RAP1GDS1: variants seen among roughly 807,000 people sequenced by gnomAD.
RAP1GDS1 encodes RAP1, GTP-GDP dissociation stimulator 1.
RAP1GDS1 carries 35 observed loss-of-function variants against 71.1 expected under a neutral mutation model. The observed-to-expected ratio is 0.49, with a 90% CI of 0.38 to 0.65. RAP1GDS1 has a LOEUF of 0.65. RAP1GDS1 is among the 30% of genes least tolerant of loss of function. RAP1GDS1 has a pLI of 0.00. For missense variants in RAP1GDS1, 663 were observed against 706.1 expected (o/e 0.94, Z 0.69); for synonymous variants, 229 against 243.1 (o/e 0.94, Z 0.54).
At chr4:98,324,129 GACAA>G (rs1240221769) in intron 2 of RAP1GDS1, among the ~76,000 whole-genome samples, 1 of 148,240 alleles carries the variant, frequency 6.7e-6, no homozygotes, top group African/African-American at 2.5e-5. Context: ...ACCAACAACA[GACAA>G]ACAGAGAGCC....
intron 2 of RAP1GDS1, among the ~76,000 whole-genome samples, chr4:98,314,842 G>A (rs1053967775): frequency 8.5e-5 from 13 of 152,076 alleles, no homozygotes; most frequent in Admixed American, 3.3e-4. Flanking sequence ...CATTTTATCC[G>A]GGTCCTGATG....
intron 3 of RAP1GDS1, among the ~76,000 whole-genome samples, chr4:98,350,179 T>C (rs970098368): frequency 6.6e-6 from 1 of 152,158 alleles, no homozygotes; most frequent in Non-Finnish European, 1.5e-5. Flanking sequence ...AGGCAAAACA[T>C]AAAAGAAACA....
intron 7 of RAP1GDS1, among the ~76,000 whole-genome samples, chr4:98,410,208 G>A (rs188566290): frequency 5.9e-5 from 9 of 152,258 alleles, no homozygotes; most frequent in African/African-American, 1.9e-4. Context: ...ATAACTGACA[G>A]AGGGCTTGTG....
chr4:98,441,895 A>T, intron 14 of RAP1GDS1, 95 bp from the exon 15 acceptor site: 1 of 1,318,796 alleles, frequency 7.6e-7, no homozygotes, highest in East Asian at 2.5e-5. Flanking sequence ...TAGTTTTATA[A>T]GCTTAGTCTT....
chr4:98,400,083 G>A (rs534801121), intron 6 of RAP1GDS1, among the ~76,000 whole-genome samples: 1 of 152,130 alleles, frequency 6.6e-6, no homozygotes, highest in Non-Finnish European at 1.5e-5. Flanking sequence ...AGCACAGGAT[G>A]TTGAGTCAGG....
intron 3 of RAP1GDS1, among the ~76,000 whole-genome samples, chr4:98,350,372 A>T (rs1252634516): frequency 6.6e-6 from 1 of 152,186 alleles, no homozygotes. Flanking sequence ...AGGATAATGA[A>T]CATCTGTGTT....
intron 2 of RAP1GDS1, among the ~76,000 whole-genome samples, chr4:98,303,642 T>TATAAC (rs1728890744): frequency 5.4e-5 from 8 of 147,270 alleles, no homozygotes; most frequent in Admixed American, 4.8e-4. Context: ...TATAATATAA[T>TATAAC]ATAATATAAT....
At chr4:98,420,905 A>T (rs1560994812) in intron 11 of RAP1GDS1, among the ~76,000 whole-genome samples, 1 of 152,204 alleles carries the variant, frequency 6.6e-6, no homozygotes, top group Non-Finnish European at 1.5e-5. Flanking sequence ...AACCACTCCT[A>T]GGAATGAATT....
chr4:98,392,227 A>G (rs1215574523), intron 6 of RAP1GDS1, 147 bp downstream of exon 6: 2 of 775,134 alleles, frequency 2.6e-6, no homozygotes, highest in Non-Finnish European at 3.8e-6. Context: ...TCAATATTTT[A>G]AAAAGTAAAT....
chr4:98,391,931 GTTTTT>G lies in RAP1GDS1; in HGVS notation c.509-15_509-11del. 1 of 1,341,024 alleles carries G rather than the reference GTTTTT, an allele frequency of 7.5e-7. No homozygotes were observed. The highest frequency in any genetic ancestry group is 1.0e-6 in the Non-Finnish European group (1 of 995,408). 83.1% of individuals were successfully genotyped at this position (1,341,024 alleles called of 1,614,324 possible). ...TGTCAACACTTTCTTTTCTGTTGTTGTTTTTTTTTTGTTTTTACAGATTCGCTTCA... is the reference window on the plus strand; with the variant it reads ...TGTCAACACTTTCTTTTCTGTTGTTGTTTTTGTTTTTACAGATTCGCTTCA... On this transcript the variant is annotated splice_polypyrimidine_tract_variant and intron_variant, in intron 5 of 14. Transcript: ENST00000408927.
chr4:98,349,382 G>A (rs1323874452), intron 3 of RAP1GDS1, among the ~76,000 whole-genome samples: 1 of 152,258 alleles, frequency 6.6e-6, no homozygotes, highest in African/African-American at 2.4e-5. Flanking sequence ...TTGTAGTATA[G>A]TTTGAAGTCA....
At chr4:98,280,172 A>C (rs1724846570) in intron 1 of RAP1GDS1, among the ~76,000 whole-genome samples, 1 of 152,180 alleles carries the variant, frequency 6.6e-6, no homozygotes, top group Non-Finnish European at 1.5e-5. Flanking sequence ...TAGATCCTTG[A>C]GGAATCGCCA....
intron 1 of RAP1GDS1, among the ~76,000 whole-genome samples, chr4:98,263,165 G>T (rs964481410): frequency 6.6e-6 from 1 of 151,902 alleles, no homozygotes; most frequent in East Asian, 1.9e-4. Context: ...AAATTCCTTT[G>T]AACATACATA....
At chr4:98,425,664 A>G (rs1749510681) in intron 12 of RAP1GDS1, among the ~76,000 whole-genome samples, 1 of 152,204 alleles carries the variant, frequency 6.6e-6, no homozygotes, top group Admixed American at 6.5e-5. Context: ...GCCTTGTCCA[A>G]CAGGAAAATA....
intron 10 of RAP1GDS1, among the ~76,000 whole-genome samples, chr4:98,419,783 A>G (rs1748542867): frequency 6.6e-6 from 1 of 152,246 alleles, no homozygotes; most frequent in South Asian, 2.1e-4. Flanking sequence ...AAAAGCCATG[A>G]TACTGTCATA....
chr4:98,318,577 A>G (rs954233988), intron 2 of RAP1GDS1, among the ~76,000 whole-genome samples: 4 of 152,212 alleles, frequency 2.6e-5, no homozygotes, highest in African/African-American at 9.7e-5. Context: ...AGTGAGATGA[A>G]TAATGTAGGC....
chr4:98,262,104 T>G (rs1722093110), intron 1 of RAP1GDS1, among the ~76,000 whole-genome samples: 1 of 152,236 alleles, frequency 6.6e-6, no homozygotes, highest in Non-Finnish European at 1.5e-5. Flanking sequence ...ACGGAAATTA[T>G]TTTCCAAGGG....
intron 12 of RAP1GDS1, 31 bp downstream of exon 12, chr4:98,421,425 A>G: frequency 1.3e-6 from 2 of 1,547,778 alleles, no homozygotes; most frequent in South Asian, 1.3e-5. Context: ...TTCACTAGAA[A>G]ACTTCAGAGT....
chr4:98,421,347 G>A lies in RAP1GDS1; in HGVS notation c.1393G>A (p.Glu465Lys). ...EAKDHAGVMG[E>K]SNRLLSALIR... Reference sequence around the variant, plus strand: ...CAAAGATCATGCTGGTGTGATGGGGGAGTCAAACAGACTGCTGTCTGCCCT... The same window carrying A: ...CAAAGATCATGCTGGTGTGATGGGGAAGTCAAACAGACTGCTGTCTGCCCT... Residue 465 changes from glutamate to lysine, a missense_variant, in exon 12 of 15, where the codon GAG (glutamate) becomes AAG (lysine). Transcript: ENST00000408927. 1 of 1,610,170 alleles carries A rather than the reference G, an allele frequency of 6.2e-7. No individual in the cohort carries two copies. Among genetic ancestry groups the A allele is most frequent in the Non-Finnish European group, 8.5e-7 (1 of 1,177,728 alleles).
Sources: gnomAD v4.1 joint callset for allele counts (sites outside exome capture counted in the v4.1 genomes callset) on GRCh38, gnomAD v4.1.1 for gene constraint, MANE v1.5 for transcripts, NCBI Gene and HGNC (gene_info 2026-07-23, HGNC 2026-07-21) for gene names.